ADAMTS5: variants seen among roughly 807,000 people sequenced by gnomAD.
The protein encoded by ADAMTS5 is A disintegrin and metalloproteinase with thrombospondin motifs 5.
ADAMTS5 carries 54 observed loss-of-function variants against 81.4 expected under a neutral mutation model. That is an observed-to-expected ratio of 0.66 (90% confidence interval 0.53 to 0.83). The LOEUF (loss-of-function observed/expected upper bound fraction) is 0.83. Ranked by LOEUF, ADAMTS5 falls within the 40% of genes least tolerant of loss-of-function variation. The pLI, the probability that ADAMTS5 is intolerant of heterozygous loss-of-function variation, is 0.00. For synonymous variants in ADAMTS5, 532 were observed against 508.8 expected, an observed-to-expected ratio of 1.05 and a Z score of -0.61; for missense variants, 1,194 against 1,229.9, an observed-to-expected ratio of 0.97 and a Z score of 0.44.
At chr21:26,936,038 G>C (rs1479991784) in intron 3 of ADAMTS5, among the ~76,000 whole-genome samples, 3 of 152,166 alleles carry the variant, frequency 2.0e-5, no homozygotes, top group Admixed American at 6.5e-5. Context: ...AGGCAGACCA[G>C]TTACCCAAGG....
chr21:26,945,857 G>C (rs1222482916), intron 2 of ADAMTS5, among the ~76,000 whole-genome samples: 2 of 152,176 alleles, frequency 1.3e-5, no homozygotes, highest in African/African-American at 4.8e-5. Flanking sequence ...TTTCAAGCAT[G>C]AACAAATCTT....
rs1011976602 is a variant in ADAMTS5, at chr21:26,919,767, A to G, written c.*4286T>C. 3 of 152,132 alleles carry G rather than the reference A, an allele frequency of 2.0e-5. No homozygotes were observed. Among genetic ancestry groups the G allele is most frequent in the Non-Finnish European group, 4.4e-5 (3 of 68,004 alleles). The allele number at this position is 152,132 out of a possible 1,614,324, so 9.4% of individuals were successfully genotyped here. On this transcript the variant is annotated 3_prime_UTR_variant, in exon 8 of 8. Coordinates refer to ENST00000284987, the MANE Select transcript of ADAMTS5 (RefSeq NM_007038.5). ...ATTATGCTAACAAAGGATTCTTAGGAAGATTTTTCAATGTACTAGCCAGTT... is the reference window on the plus strand; with the variant it reads ...ATTATGCTAACAAAGGATTCTTAGGGAGATTTTTCAATGTACTAGCCAGTT...
intron 1 of ADAMTS5, among the ~76,000 whole-genome samples, chr21:26,955,561 G>A (rs1987409620): frequency 6.6e-6 from 1 of 152,080 alleles, no homozygotes; most frequent in African/African-American, 2.4e-5. Flanking sequence ...TAGATGTCAT[G>A]TAATCTTTTA....
At position 26,918,002 on chromosome 21, in the gene ADAMTS5, G is replaced by C. The variant is rs1464819809; in HGVS notation, c.*6051C>G. On this transcript the variant is annotated 3_prime_UTR_variant, in exon 8 of 8. Coordinates refer to ENST00000284987, the MANE Select transcript of ADAMTS5 (RefSeq NM_007038.5). Reference sequence around the variant, plus strand: ...TTTACAGTTTAAAGTCACACATAGGGAAATGCTTTACAAAATAGGATATTG... The same window carrying C: ...TTTACAGTTTAAAGTCACACATAGGCAAATGCTTTACAAAATAGGATATTG... The C allele has an allele frequency of 6.6e-6, 1 of 152,044 alleles. No individual in the cohort carries two copies. Among genetic ancestry groups the C allele is most frequent in the Non-Finnish European group, 1.5e-5 (1 of 67,906 alleles). 9.4% of individuals were successfully genotyped at this position (152,044 alleles called of 1,614,324 possible).
intron 7 of ADAMTS5, 62 bp from the exon 8 acceptor site, chr21:26,924,682 G>T (rs1307366803): frequency 6.9e-6 from 9 of 1,309,488 alleles, no homozygotes; most frequent in Non-Finnish European, 8.5e-6. Flanking sequence ...AGAAAAAAAT[G>T]AGTAAACACT....
In ADAMTS5 at chr21:26,934,629, G is replaced by T; in HGVS notation, c.1526C>A (p.Pro509His). 1 of 1,614,112 alleles carries T rather than the reference G, an allele frequency of 6.2e-7. No individual in the cohort carries two copies. ...CAGGCGAGCACAGACATCCATGCCG[G>T]GACACACGGAGTACTCAGGCCCGAA... ...LTFGPEYSVCPGMDVCARLWC... is the reference protein window; with the variant it reads ...LTFGPEYSVCHGMDVCARLWC... Residue 509 changes from proline to histidine, a missense_variant, in exon 4 of 8, where the codon CCC (proline) becomes CAC (histidine). Physicochemically the swap from Pro to His is moderately conservative, Grantham distance 77 (BLOSUM62 -2). This residue lies in a region of ADAMTS5 where 696 missense variants were observed against 817.6 expected (regional missense o/e 0.85). Transcript: ENST00000284987.
intron 2 of ADAMTS5, among the ~76,000 whole-genome samples, chr21:26,946,657 T>C (rs1240251853): frequency 6.6e-6 from 1 of 152,228 alleles, no homozygotes; most frequent in African/African-American, 2.4e-5. Context: ...TAGATATCCC[T>C]GTCTCAGAGA....
At position 26,919,690 on chromosome 21, in the gene ADAMTS5, T is replaced by G. The variant is rs1250769239; in HGVS notation, c.*4363A>C. ...AAATAAATGAAACACAATTATACAT[T>G]ATAGAGTTTATATGCATCATGATGA... On this transcript the variant is annotated 3_prime_UTR_variant, in exon 8 of 8. Coordinates refer to ENST00000284987, the MANE Select transcript of ADAMTS5 (RefSeq NM_007038.5). 6.6e-6 allele frequency: 1 copy of G among 152,054 alleles called. No homozygotes were observed. The highest frequency in any genetic ancestry group is 2.4e-5 in the African/African-American group (1 of 41,430). 9.4% of individuals were successfully genotyped at this position (152,054 alleles called of 1,614,324 possible). A position where few individuals can be genotyped will look rare whatever the true frequency, so the allele number is the denominator to read the frequency against.
intron 1 of ADAMTS5, among the ~76,000 whole-genome samples, chr21:26,958,032 GAT>G (rs1309188476): frequency 6.6e-6 from 1 of 152,182 alleles, no homozygotes; most frequent in African/African-American, 2.4e-5. Context: ...ATGCTCAGAA[GAT>G]AGTGTGAACT....
intron 2 of ADAMTS5, among the ~76,000 whole-genome samples, chr21:26,952,737 CA>C (rs1987345759): frequency 6.6e-6 from 1 of 152,204 alleles, no homozygotes; most frequent in African/African-American, 2.4e-5. Flanking sequence ...GCTTATTCCC[CA>C]TAATTTCTCC....
At chr21:26,938,004 C>G (rs1028516002) in intron 3 of ADAMTS5, among the ~76,000 whole-genome samples, 11 of 152,132 alleles carry the variant, frequency 7.2e-5, no homozygotes, top group African/African-American at 2.7e-4. Flanking sequence ...CTTTGGGAGG[C>G]TGAGGCGGGT....
intron 1 of ADAMTS5, among the ~76,000 whole-genome samples, chr21:26,963,130 G>C (rs1034726308): frequency 1.3e-5 from 2 of 151,460 alleles, no homozygotes; most frequent in African/African-American, 4.9e-5. Flanking sequence ...GACCAGAGAG[G>C]GCCCATGTGA....
intron 1 of ADAMTS5, 135 bp from the exon 2 acceptor site, chr21:26,955,006 CA>C: frequency 9.4e-7 from 1 of 1,068,994 alleles, no homozygotes. Context: ...GGAAACGTTC[CA>C]AAGGCAAACT....
chr21:26,934,843 G>A, intron 3 of ADAMTS5, 94 bp from the exon 4 acceptor site: 1 of 1,485,650 alleles, frequency 6.7e-7, no homozygotes, highest in Non-Finnish European at 9.1e-7. Context: ...GGCTGGTGTT[G>A]GAGCACGAGG....
At position 26,924,466 on chromosome 21, in the gene ADAMTS5, T is replaced by G. The variant is rs1013960741; in HGVS notation, c.2380A>C (p.Thr794Pro). The change falls in exon 8 of 8, where the codon ACT (threonine) becomes CCT (proline). Residue 794 changes from threonine to proline, a missense_variant. Physicochemically the swap from Thr to Pro is conservative, Grantham distance 38. Around this residue, in one of 2 missense-constraint regions of ADAMTS5, gnomAD observed 696 missense variants for 817.6 expected, o/e 0.85. Transcript: ENST00000284987. ...YLINGKYMISTSETIIDINGT... is the reference protein window; with the variant it reads ...YLINGKYMISPSETIIDINGT... ...TTGATGTCAATGATAGTCTCTGAAG[T>G]GGAGATCATGTACTTTCCATTGATA... The G allele has an allele frequency of 5.0e-6, 8 of 1,614,090 alleles. No homozygotes were observed. The Admixed American group carries it at 5.0e-5, about 10-fold the overall frequency.
Position 26,918,378 on chromosome 21 carries a change from T to C in ADAMTS5, c.*5675A>G, listed in dbSNP as rs1345144398. The C allele has an allele frequency of 2.0e-5, 3 of 152,436 alleles. No homozygotes were observed. The highest frequency in any genetic ancestry group is 7.2e-5 in the African/African-American group (3 of 41,420). The allele number at this position is 152,436 out of a possible 1,614,324, so 9.4% of individuals were successfully genotyped here. On this transcript the variant is annotated 3_prime_UTR_variant, in exon 8 of 8. Coordinates refer to ENST00000284987, the MANE Select transcript of ADAMTS5 (RefSeq NM_007038.5). The stretch of plus-strand genomic sequence containing the variant: ...ATCTGTTATACCTACTTAGGTTTAT[T>C]ACTTGACTTTACTCACAGACTCTAA...
rs546817668 is a variant in ADAMTS5, at chr21:26,949,142, T to TATATATCC, written c.1237+5596_1238-5595insGGATATAT. On this transcript the variant is annotated intron_variant, in intron 2 of 7. Transcript: ENST00000284987. ...GAGTATTCTAGTAATCAGTGATATA[T>TATATATCC]ATATATATATATCACACATATATCC... Among the ~76,000 whole-genome samples, 73 of 150,904 alleles carry TATATATCC rather than the reference T, an allele frequency of 4.8e-4. 2 individuals carry two copies. The South Asian group carries it at 0.014, about 29-fold the overall frequency.
At chr21:26,949,127 G>A (rs971728552) in intron 2 of ADAMTS5, among the ~76,000 whole-genome samples, 1 of 146,084 alleles carries the variant, frequency 6.8e-6, no homozygotes, top group Non-Finnish European at 1.5e-5. Flanking sequence ...GAGTATTCTA[G>A]TAATCAGTGA....
intron 3 of ADAMTS5, among the ~76,000 whole-genome samples, chr21:26,937,959 G>T (rs1183354386): frequency 6.6e-6 from 1 of 152,118 alleles, no homozygotes; most frequent in African/African-American, 2.4e-5. Flanking sequence ...ATAAAGTCAG[G>T]CCAGGTGCGG....
Sources: gnomAD v4.1 joint callset for allele counts (sites outside exome capture counted in the v4.1 genomes callset) on GRCh38, gnomAD v4.1.1 for gene constraint, gnomAD v4.1.1 regional missense constraint, MANE v1.5 for transcripts, NCBI Gene and HGNC (gene_info 2026-07-23, HGNC 2026-07-21) for gene names.